Variants in RIMS2 observed in about 807,000 individuals in gnomAD.
RIMS2 encodes the protein regulating synaptic membrane exocytosis protein 2.
In RIMS2, 59 loss-of-function variants were observed where a neutral mutation model predicts 174.4. The ratio of observed to expected loss-of-function variants is 0.34; its 90% confidence interval spans 0.27 to 0.42. RIMS2 has a LOEUF of 0.42. Ranked by LOEUF, RIMS2 falls within the 10% of genes least tolerant of loss-of-function variation. The probability of loss-of-function intolerance (pLI) is 1.00; values close to 1 mark genes in which losing one functional copy is unlikely to be tolerated. For missense variants in RIMS2, 1,620 were observed against 1,666.3 expected (o/e 0.97, Z 0.48); for synonymous variants, 606 against 572.5 (o/e 1.06, Z -0.84).
At chr8:103,531,102 A>T (rs922501182) in intron 1 of RIMS2, among the ~76,000 whole-genome samples, 1 of 151,748 alleles carries the variant, frequency 6.6e-6, no homozygotes, top group African/African-American at 2.4e-5. Flanking sequence ...AAACTATAGA[A>T]TATATGAACA....
chr8:103,891,549 C>T (rs2099245668), intron 4 of RIMS2, among the ~76,000 whole-genome samples: 1 of 152,010 alleles, frequency 6.6e-6, no homozygotes, highest in Non-Finnish European at 1.5e-5. Context: ...ATTTGATCTT[C>T]TTTAAGTTGA....
chr8:103,925,306 A>G (rs532850264), intron 10 of RIMS2, among the ~76,000 whole-genome samples: 2 of 151,690 alleles, frequency 1.3e-5, no homozygotes, highest in East Asian at 3.9e-4. Flanking sequence ...CTCCATTTTA[A>G]GTAAATATTA....
intron 19 of RIMS2, chr8:104,094,496 G>A (rs1489860079): frequency 1.5e-6 from 1 of 681,182 alleles, no homozygotes; most frequent in Non-Finnish European, 2.7e-6. Context: ...GAATAGAAGA[G>A]GGAGGGAAAG....
At chr8:103,868,247 T>C (rs1407978665) in intron 3 of RIMS2, among the ~76,000 whole-genome samples, 2 of 152,072 alleles carry the variant, frequency 1.3e-5, no homozygotes, top group Admixed American at 1.3e-4. Context: ...TCTTAACTCA[T>C]TGGTGATGAT....
chr8:103,645,404 A>G (rs1361526375), intron 1 of RIMS2, among the ~76,000 whole-genome samples: 1 of 152,138 alleles, frequency 6.6e-6, no homozygotes, highest in Non-Finnish European at 1.5e-5. Flanking sequence ...GTCTAAGAAT[A>G]TGGCTTTCAT....
intron 3 of RIMS2, among the ~76,000 whole-genome samples, chr8:103,878,410 G>A (rs2099151777): frequency 1.3e-5 from 2 of 151,792 alleles, no homozygotes; most frequent in African/African-American, 4.8e-5. Flanking sequence ...TTTCATGCCT[G>A]GAATGGAACC....
At chr8:103,697,560 C>A (rs10955324) in intron 2 of RIMS2, among the ~76,000 whole-genome samples, 1,858 of 134,906 alleles carry the variant, frequency 0.014, 21 homozygotes, top group Non-Finnish European at 0.021. Flanking sequence ...AAAAAAAAAA[C>A]AAAAAAAACC....
At chr8:103,928,538 A>C (rs2079219102) in intron 11 of RIMS2, among the ~76,000 whole-genome samples, 1 of 151,356 alleles carries the variant, frequency 6.6e-6, no homozygotes, top group African/African-American at 2.4e-5. Flanking sequence ...GGAAACCCTT[A>C]TATGGTAAAG....
chr8:104,194,615 C>A (rs1010612764), intron 19 of RIMS2, among the ~76,000 whole-genome samples: 3 of 152,034 alleles, frequency 2.0e-5, no homozygotes, highest in African/African-American at 7.2e-5. Flanking sequence ...TAGTACATGG[C>A]ACAAAAAGTG....
chr8:103,957,987 A>C (rs2088134268), intron 14 of RIMS2, among the ~76,000 whole-genome samples: 1 of 152,212 alleles, frequency 6.6e-6, no homozygotes, highest in Admixed American at 6.5e-5. Flanking sequence ...TGTGTAAAGC[A>C]GTATGGTGAT....
rs540777285 is a variant in RIMS2 at position 103,723,091 on chromosome 8, G to A, written c.387+25795G>A. Among the ~76,000 whole-genome samples, 62 of 152,264 alleles carry A rather than the reference G, an allele frequency of 4.1e-4. 1 individual carries two copies. Among genetic ancestry groups the A allele is most frequent in the Middle Eastern group, 3.4e-3 (1 of 294 alleles). ...TGTGCCACTGCACTCGAGCCTGGGC[G>A]ACAGAGCAAGACCCTGTCTCCAAAC... On this transcript the variant is annotated intron_variant, in intron 2 of 23. Coordinates refer to ENST00000504942, the Ensembl canonical transcript of RIMS2.
At chr8:104,024,873 C>T (rs1238176497) in intron 19 of RIMS2, among the ~76,000 whole-genome samples, 1 of 152,126 alleles carries the variant, frequency 6.6e-6, no homozygotes, top group East Asian at 1.9e-4. Context: ...TATTACCTGT[C>T]ATAGTATTTC....
intron 19 of RIMS2, among the ~76,000 whole-genome samples, chr8:104,242,828 A>G (rs2099309299): frequency 6.6e-6 from 1 of 152,230 alleles, no homozygotes. Flanking sequence ...TCTTAGTGCT[A>G]CTAAGTTTCA....
intron 19 of RIMS2, among the ~76,000 whole-genome samples, chr8:104,123,250 A>T (rs1446308380): frequency 6.6e-6 from 1 of 152,034 alleles, no homozygotes; most frequent in African/African-American, 2.4e-5. Flanking sequence ...TTTAATGTAT[A>T]TGTAGAGGAA....
chr8:104,088,547 A>C (rs1459520911), intron 19 of RIMS2, among the ~76,000 whole-genome samples: 1 of 152,018 alleles, frequency 6.6e-6, no homozygotes. Flanking sequence ...TTTCTTCAAA[A>C]TTGGGCTTCT....
In RIMS2 at chr8:103,665,141, G is replaced by T. The variant is rs138906604; in HGVS notation, c.177-31945G>T. ...GGGCCTGTCTGGGCATGGGAGCCTG[G>T]GGGAGGGATAGAATTAGGAGAAATA... On this transcript the variant is annotated intron_variant, in intron 1 of 23. Transcript: ENST00000504942. 4.9e-3 allele frequency among the ~76,000 whole-genome samples: 741 copies of T among 152,324 alleles called. 9 individuals are homozygous for T. Among genetic ancestry groups the T allele is most frequent in the African/African-American group, 0.016 (684 of 41,568 alleles).
chr8:104,049,360 G>C (rs1472891193), intron 19 of RIMS2, among the ~76,000 whole-genome samples: 1 of 152,118 alleles, frequency 6.6e-6, no homozygotes, highest in Non-Finnish European at 1.5e-5. Flanking sequence ...GGGAGGCGGA[G>C]CTTGCAGTGA....
intron 1 of RIMS2, among the ~76,000 whole-genome samples, chr8:103,608,051 C>A (rs1337877505): frequency 4.0e-5 from 6 of 148,770 alleles, no homozygotes; most frequent in Non-Finnish European, 1.5e-5. Flanking sequence ...TGAGGAACTG[C>A]ATTCCTTTGG....
chr8:104,013,037 C>G (rs1421140369), intron 17 of RIMS2, among the ~76,000 whole-genome samples: 1 of 152,116 alleles, frequency 6.6e-6, no homozygotes, highest in Non-Finnish European at 1.5e-5. Context: ...TGGTATAGTA[C>G]TAAACAGCTT....
Sources: allele counts gnomAD v4.1 joint callset (sites outside exome capture counted in the v4.1 genomes callset), GRCh38; gene constraint gnomAD v4.1.1; transcripts MANE v1.5; gene names NCBI Gene and HGNC (gene_info 2026-07-23, HGNC 2026-07-21).